NR5A2: variants seen among roughly 807,000 people sequenced by gnomAD.
The protein encoded by NR5A2 is nuclear receptor subfamily 5 group A member 2, also known as CYP7A promoter-binding factor.
Under a neutral mutation model 62.7 loss-of-function variants are expected in NR5A2, and 26 were observed. The ratio of observed to expected loss-of-function variants is 0.41; its 90% CI spans 0.30 to 0.58. The LOEUF (loss-of-function observed/expected upper bound fraction) is 0.58. Among genes scored for constraint, NR5A2 ranks in the 20% least tolerant of loss-of-function variants. The pLI is 0.22. For missense variants in NR5A2, 541 were observed against 669.1 expected (o/e 0.81, Z 2.11); for synonymous variants, 246 against 241.7 (o/e 1.02, Z -0.16).
intron 4 of NR5A2, among the ~76,000 whole-genome samples, chr1:200,047,193 G>A (rs72739177): frequency 0.019 from 2,952 of 152,272 alleles, 51 homozygotes; most frequent in Non-Finnish European, 0.027. Flanking sequence ...AGTCATGGCC[G>A]CAGACTCCAC....
intron 4 of NR5A2, among the ~76,000 whole-genome samples, chr1:200,046,566 A>G (rs945040032): frequency 1.3e-5 from 2 of 152,206 alleles, no homozygotes; most frequent in Non-Finnish European, 2.9e-5. Context: ...AAAAAAAATC[A>G]TATAAATCTG....
intron 5 of NR5A2, among the ~76,000 whole-genome samples, chr1:200,096,403 A>G (rs1665102098): frequency 6.6e-6 from 1 of 152,106 alleles, no homozygotes; most frequent in Non-Finnish European, 1.5e-5. Context: ...TGCCTTCCTG[A>G]CACTCAAACA....
At chr1:200,160,634 A>AAGAG (rs1653599046) in intron 7 of NR5A2, among the ~76,000 whole-genome samples, 2 of 152,130 alleles carry the variant, frequency 1.3e-5, no homozygotes, top group South Asian at 4.1e-4. Context: ...TATTTTTAAC[A>AAGAG]AGAACTGTTC....
intron 5 of NR5A2, among the ~76,000 whole-genome samples, chr1:200,062,455 G>A (rs932247171): frequency 3.9e-5 from 6 of 152,156 alleles, no homozygotes; most frequent in African/African-American, 1.4e-4. Flanking sequence ...CTAAAGTTGT[G>A]ATGAATAAGA....
At position 200,039,671 on chromosome 1, in the gene NR5A2, G is replaced by A. The variant is rs1240620940; in HGVS notation, c.78G>A (p.Pro26=). 2 of 1,611,548 alleles carry A rather than the reference G, an allele frequency of 1.2e-6. No homozygotes were observed. Among genetic ancestry groups the A allele is most frequent in the African/African-American group, 1.3e-5 (1 of 74,424 alleles). ...HGLTPIGAGL[P]DRHGSPIPAR... ...GCCCGTGTCCAGGTGCTGGGCTTCC[G>A]GACCGACACGGATCCCCCATCCCCG... is the stretch of plus-strand genomic sequence containing the variant. Residue 26 remains proline (P), a synonymous_variant, in exon 2 of 8, where the codon CCG becomes CCA. Coordinates refer to ENST00000367362, the MANE Select transcript of NR5A2 (RefSeq NM_205860.3). This position sits in a 1 kb window ranked among gnomAD's most constrained non-coding sequence, Gnocchi z 5.1.
At chr1:200,093,651 T>C (rs1337028156) in intron 5 of NR5A2, among the ~76,000 whole-genome samples, 4 of 152,196 alleles carry the variant, frequency 2.6e-5, no homozygotes, top group Non-Finnish European at 5.9e-5. Flanking sequence ...TTCCGGTTCA[T>C]CCTTGAATCT....
At chr1:200,137,889 G>A (rs1255603803) in intron 7 of NR5A2, among the ~76,000 whole-genome samples, 1 of 152,084 alleles carries the variant, frequency 6.6e-6, no homozygotes, top group Non-Finnish European at 1.5e-5. Flanking sequence ...CATATCAAAA[G>A]GGATTGGGGT....
chr1:200,101,251 G>A (rs549998467), intron 5 of NR5A2, among the ~76,000 whole-genome samples: 2 of 152,110 alleles, frequency 1.3e-5, no homozygotes, highest in Non-Finnish European at 2.9e-5. Context: ...ACAACTAGGT[G>A]TTATATTCAT....
Position 200,076,504 on chromosome 1 carries a change from A to G in NR5A2, c.1110+27686A>G, listed in dbSNP as rs149897911. 8.9e-3 allele frequency among the ~76,000 whole-genome samples: 1,353 copies of G among 152,156 alleles called. 13 individuals carry two copies. Among genetic ancestry groups the G allele is most frequent in the Non-Finnish European group, 0.014 (961 of 68,010 alleles). On this transcript the variant is annotated intron_variant, in intron 5 of 7. Coordinates refer to ENST00000367362, the MANE Select transcript of NR5A2 (RefSeq NM_205860.3). The stretch of plus-strand genomic sequence containing the variant: ...GCTAACCGTATCTTATTTGTTTTAA[A>G]TCGCAGAGCATTAGTGGATTAAAAA...
intron 5 of NR5A2, among the ~76,000 whole-genome samples, chr1:200,056,316 ATTG>A (rs1662915013): frequency 6.6e-6 from 1 of 152,110 alleles, no homozygotes; most frequent in Non-Finnish European, 1.5e-5. Context: ...GGGGATGTGT[ATTG>A]TTCTTTACTG....
rs1428367027 is a variant in NR5A2 at position 200,045,433 on chromosome 1, T to C, written c.322-10T>C. On this transcript the variant is annotated splice_polypyrimidine_tract_variant and intron_variant, in intron 3 of 7. Transcript: ENST00000367362. Reference sequence around the variant, plus strand: ...TTATAATACGTCTCACTATTTTCTCTGTCTTATAGGGATTTTTTAAGCGAA... The same window carrying C: ...TTATAATACGTCTCACTATTTTCTCCGTCTTATAGGGATTTTTTAAGCGAA... 1 of 1,568,006 alleles carries C rather than the reference T, an allele frequency of 6.4e-7. No individual in the cohort carries two copies. The highest frequency in any genetic ancestry group is 8.6e-7 in the Non-Finnish European group (1 of 1,162,172).
intron 5 of NR5A2, among the ~76,000 whole-genome samples, chr1:200,063,313 C>T (rs755737133): frequency 4.0e-5 from 6 of 151,890 alleles, no homozygotes; most frequent in Non-Finnish European, 8.8e-5. Flanking sequence ...TGTGAGCCAC[C>T]GCACCCGGCC....
rs989843539 is a variant in NR5A2, at chr1:200,176,216, C to G, written c.*2006C>G. ...TCAAGTAAACTCAACAAGGTGGAGT[C>G]TTACCTGGTTTTCCTTTCCAAGCAT... On this transcript the variant is annotated 3_prime_UTR_variant, in exon 8 of 8. Transcript: ENST00000367362. 6.6e-6 allele frequency: 1 copy of G among 152,586 alleles called. No homozygotes were observed. The highest frequency in any genetic ancestry group is 1.5e-5 in the Non-Finnish European group (1 of 68,016). The allele number at this position is 152,586 out of a possible 1,614,324, so 9.5% of individuals were successfully genotyped here.
chr1:200,030,630 A>T (rs1233290798), intron 1 of NR5A2, among the ~76,000 whole-genome samples: 1 of 152,212 alleles, frequency 6.6e-6, no homozygotes, highest in African/African-American at 2.4e-5. Context: ...TATATCAAGA[A>T]AAGAGCCATA....
chr1:200,167,466 T>C (rs1653957908), intron 7 of NR5A2, among the ~76,000 whole-genome samples: 1 of 152,184 alleles, frequency 6.6e-6, no homozygotes, highest in Admixed American at 6.5e-5. Flanking sequence ...ATTTCTCATC[T>C]GTGTTCCTGC....
intron 5 of NR5A2, among the ~76,000 whole-genome samples, chr1:200,089,201 G>GGTTTT (rs970085360): frequency 1.3e-5 from 2 of 152,178 alleles, no homozygotes; most frequent in East Asian, 1.9e-4. Context: ...TGCAACTTTG[G>GGTTTT]GTTTTGTTTT....
intron 5 of NR5A2, among the ~76,000 whole-genome samples, chr1:200,100,266 G>A (rs1665302582): frequency 1.3e-5 from 2 of 152,278 alleles, no homozygotes; most frequent in Admixed American, 1.3e-4. Context: ...TGAACATTTT[G>A]CATCACCTGA....
At position 200,085,294 on chromosome 1, in the gene NR5A2, A is replaced by G. The variant is rs148640735; in HGVS notation, c.1111-25908A>G. ...AGATAGTATATATTCAAGAAAAGTC[A>G]ATTTCCTCCTTCCTTTATTGATGCT... On this transcript the variant is annotated intron_variant, in intron 5 of 7. Coordinates refer to ENST00000367362, the MANE Select transcript of NR5A2 (RefSeq NM_205860.3). Among the ~76,000 whole-genome samples the G allele has an allele frequency of 2.2e-3, 331 of 152,280 alleles. 3 individuals carry two copies. The highest frequency in any genetic ancestry group is 7.6e-3 in the African/African-American group (316 of 41,550).
intron 7 of NR5A2, among the ~76,000 whole-genome samples, chr1:200,126,776 C>T (rs1666723796): frequency 6.6e-6 from 1 of 151,716 alleles, no homozygotes; most frequent in Non-Finnish European, 1.5e-5. Context: ...CTCAGCCTCC[C>T]AAAGTGCTGG....
Sources: gnomAD v4.1 joint callset for allele counts (sites outside exome capture counted in the v4.1 genomes callset) on GRCh38, gnomAD v4.1.1 for gene constraint, Gnocchi (gnomAD v3.1) non-coding constraint, MANE v1.5 for transcripts, NCBI Gene and HGNC (gene_info 2026-07-23, HGNC 2026-07-21) for gene names.